Variants in MYO5C observed in about 807,000 individuals in gnomAD.
MYO5C encodes myosin VC.
Under a neutral mutation model 235.7 loss-of-function variants are expected in MYO5C, and 194 were observed. That is an observed-to-expected ratio of 0.82 (90% confidence interval 0.73 to 0.93). MYO5C has a LOEUF of 0.93. Among genes scored for constraint, MYO5C ranks in the 40% least tolerant of loss-of-function variants. MYO5C has a pLI of 0.00. For synonymous variants in MYO5C, 707 were observed against 754.8 expected (o/e 0.94, Z 1.04); for missense variants, 2,038 against 2,127.2 (o/e 0.96, Z 0.82).
At chr15:52,234,042 A>G (rs1436693514) in intron 23 of MYO5C, among the ~76,000 whole-genome samples, 2 of 152,230 alleles carry the variant, frequency 1.3e-5, no homozygotes, top group African/African-American at 2.4e-5. Context: ...CTCAAGCTTT[A>G]ATTTAGAAGC....
In MYO5C at chr15:52,223,663, T is replaced by A. The variant is rs1046783557; in HGVS notation, c.3508A>T (p.Asn1170Tyr). The A allele has an allele frequency of 1.2e-6, 2 of 1,614,064 alleles. No individual in the cohort carries two copies. Among genetic ancestry groups the A allele is most frequent in the African/African-American group, 2.7e-5 (2 of 74,932 alleles). Residue 1170 changes from asparagine (N) to tyrosine (Y), a missense_variant, in exon 29 of 41, where the codon AAC becomes TAC. Transcript: ENST00000261839. Reference protein sequence around the residue: ...DCYEKEIEALNFKVVHLSQEI... With the variant: ...DCYEKEIEALYFKVVHLSQEI... Reference sequence around the variant, plus strand: ...TGACTGAGATGCACCACTTTGAAGTTCAAAGCTTCAATCTCCTTTTCATAG... The same window carrying A: ...TGACTGAGATGCACCACTTTGAAGTACAAAGCTTCAATCTCCTTTTCATAG...
rs971526205 is a variant in MYO5C, at chr15:52,223,170, G to A, written c.3627+374C>T. On this transcript the variant is annotated intron_variant, in intron 29 of 40. Coordinates refer to ENST00000261839, the MANE Select transcript of MYO5C (RefSeq NM_018728.4). ...TCTCAAAAAAAAAAAAAAAAAAGGT[G>A]AGATTTCAGGCATGAGCAGGACTGG... 9.6e-5 allele frequency among the ~76,000 whole-genome samples: 14 copies of A among 146,528 alleles called. No homozygotes were observed. The South Asian group carries it at 1.1e-3, about 11-fold the overall frequency.
At chr15:52,247,958 C>T (rs1484606218) in intron 14 of MYO5C, among the ~76,000 whole-genome samples, 1 of 152,166 alleles carries the variant, frequency 6.6e-6, no homozygotes, top group Non-Finnish European at 1.5e-5. Context: ...CCAAACCCTA[C>T]CCAGGAATCT....
rs1450130591 is a variant in MYO5C, at chr15:52,265,536, G to GT, written c.941-1241dup. ...TTCTTTAACAATTTCAAAACCTACA[G>GT]TTTTTTGTTTTTTTTTTTTTGAGAC... On this transcript the variant is annotated intron_variant, in intron 8 of 40. Coordinates refer to ENST00000261839, the MANE Select transcript of MYO5C (RefSeq NM_018728.4). Among the ~76,000 whole-genome samples, 878 of 139,188 alleles carry GT rather than the reference G, an allele frequency of 6.3e-3. 9 individuals are homozygous for GT. Among genetic ancestry groups the GT allele is most frequent in the East Asian group, 0.042 (97 of 2,316 alleles). 91.3% of individuals were successfully genotyped at this position (139,188 alleles called of 152,430 possible). A position where few individuals can be genotyped will look rare whatever the true frequency, so the allele number is the denominator to read the frequency against.
intron 19 of MYO5C, 108 bp downstream of exon 19, chr15:52,244,248 C>T: frequency 2.7e-6 from 3 of 1,110,242 alleles, no homozygotes; most frequent in Admixed American, 2.2e-5. Flanking sequence ...ACGTCTGCAC[C>T]CTGGGTCACA....
At chr15:52,282,088 T>C (rs73406652) in intron 2 of MYO5C, among the ~76,000 whole-genome samples, 2,486 of 152,294 alleles carry the variant, frequency 0.016, 79 homozygotes, top group African/African-American at 0.057. Context: ...AGAAGGCACA[T>C]GCAGCCTTGC....
intron 11 of MYO5C, among the ~76,000 whole-genome samples, chr15:52,256,065 G>T (rs2140813987): frequency 6.6e-6 from 1 of 152,330 alleles, no homozygotes; most frequent in East Asian, 1.9e-4. Context: ...ACTGGGCTGA[G>T]AGAGACAAAG....
rs750917024 is a variant in MYO5C, at chr15:52,282,766, C to T, written c.138+16G>A. On this transcript the variant is annotated intron_variant, in intron 2 of 40. Transcript: ENST00000261839. ...CTTTACACATCGACGTAGCTGTGAA[C>T]AGCAAGGACCCTCACCGTTCCATCC... The T allele has an allele frequency of 6.5e-7, 1 of 1,549,230 alleles. No homozygotes were observed. The highest frequency in any genetic ancestry group is 8.9e-7 in the Non-Finnish European group (1 of 1,121,052).
chr15:52,284,420 G>A (rs2037220232), intron 1 of MYO5C, among the ~76,000 whole-genome samples: 1 of 150,432 alleles, frequency 6.6e-6, no homozygotes, highest in Admixed American at 6.6e-5. Context: ...AAAATTCACA[G>A]CAGTAGTTGC....
At chr15:52,256,930 G>T (rs2036597596) in intron 10 of MYO5C, 2 of 495,400 alleles carry the variant, frequency 4.0e-6, no homozygotes, top group South Asian at 2.7e-5. Context: ...AAATCTGGTA[G>T]GTATAAAACA....
chr15:52,288,915 C>T (rs149724281), intron 1 of MYO5C, among the ~76,000 whole-genome samples: 2 of 152,200 alleles, frequency 1.3e-5, no homozygotes, highest in Non-Finnish European at 2.9e-5. Context: ...AGCCACCCCC[C>T]CAAGGCACAC....
rs972613267 is a variant in MYO5C at position 52,275,496 on chromosome 15, G to C, written c.606+66C>G. On this transcript the variant is annotated intron_variant, in intron 5 of 40. Transcript: ENST00000261839. ...GTGGGAACTTGAATTAGCCAGGAGA[G>C]CACACAAACCAACCAACCCCCATTT... 6 of 1,589,322 alleles carry C rather than the reference G, an allele frequency of 3.8e-6. No homozygotes were observed. The African/African-American group carries it at 8.1e-5, about 21-fold the overall frequency.
rs1384412541 is a variant in MYO5C, at chr15:52,295,587, A to G, written c.27+23T>C. 1.4e-5 allele frequency: 21 copies of G among 1,500,724 alleles called. No individual in the cohort carries two copies. In the East Asian group the frequency reaches 2.1e-4, roughly 15 times the overall value. The allele number at this position is 1,500,724 out of a possible 1,614,324, so 93.0% of individuals were successfully genotyped here. On this transcript the variant is annotated intron_variant, in intron 1 of 40. Transcript: ENST00000261839. Reference sequence around the variant, plus strand: ...GGGCCGGCTCCCCCACAGCGCTCCCAGGAGCCCAGCGGACCCTCCTACCTG... The same window carrying G: ...GGGCCGGCTCCCCCACAGCGCTCCCGGGAGCCCAGCGGACCCTCCTACCTG...
At chr15:52,251,769 A>G (rs1367097786) in intron 12 of MYO5C, among the ~76,000 whole-genome samples, 2 of 151,952 alleles carry the variant, frequency 1.3e-5, no homozygotes, top group South Asian at 4.2e-4. Context: ...GGTTCAAGCG[A>G]TTCTCCTGCC....
intron 22 of MYO5C, 70 bp from the exon 23 acceptor site, chr15:52,235,833 T>C: frequency 1.0e-6 from 1 of 982,360 alleles, no homozygotes; most frequent in Non-Finnish European, 1.6e-6. Context: ...ATTGCCTTTC[T>C]TCACAAAAAG....
chr15:52,239,832 C>A lies in MYO5C; in HGVS notation c.2604G>T (p.Ala868=). The change falls in exon 21 of 41, where the codon GCG becomes GCT. Residue 868 remains alanine (A), a synonymous_variant. Transcript: ENST00000261839. Reference sequence around the variant, plus strand: ...TCTGGAATCTGCGTCTGGCCAGCCACGCCCGTGCGTATTTCTGTAGGATCA... The same window carrying A: ...TCTGGAATCTGCGTCTGGCCAGCCAAGCCCGTGCGTATTTCTGTAGGATCA... ...KAVILQKYAR[A]WLARRRFQSI... The A allele has an allele frequency of 6.2e-7, 1 of 1,613,882 alleles. No individual in the cohort carries two copies. Among genetic ancestry groups the A allele is most frequent in the East Asian group, 2.2e-5 (1 of 44,870 alleles).
At position 52,239,851 on chromosome 15, in the gene MYO5C, A is replaced by G. The variant is rs2036174288; in HGVS notation, c.2585T>C (p.Leu862Pro). The change falls in exon 21 of 41, where the codon CTA (leucine) becomes CCA (proline). Residue 862 changes from leucine to proline, a missense_variant. Leu to Pro is a moderately conservative substitution (Grantham distance 98). Transcript: ENST00000261839. The part of the protein sequence containing the change: ...KMLEEHKAVI[L>P]QKYARAWLAR... ...CAGCCACGCCCGTGCGTATTTCTGT[A>G]GGATCACAGCCTTATGTTCCTCCAG... is the stretch of plus-strand genomic sequence containing the variant. 6.2e-7 allele frequency: 1 copy of G among 1,613,574 alleles called. No homozygotes were observed. The highest frequency in any genetic ancestry group is 8.5e-7 in the Non-Finnish European group (1 of 1,179,722).
chr15:52,222,655 G>A (rs755110842), intron 29 of MYO5C, among the ~76,000 whole-genome samples: 54 of 150,964 alleles, frequency 3.6e-4, no homozygotes, highest in Middle Eastern at 3.4e-3. Flanking sequence ...GGAGGTGTGC[G>A]GAGGAAGTAT....
chr15:52,257,934 G>A (rs752270550), intron 10 of MYO5C, among the ~76,000 whole-genome samples: 2 of 152,182 alleles, frequency 1.3e-5, no homozygotes, highest in African/African-American at 4.8e-5. Context: ...ACAGCTCCAG[G>A]GTGATTCATA....
Sources: allele counts gnomAD v4.1 joint callset (sites outside exome capture counted in the v4.1 genomes callset), GRCh38; gene constraint gnomAD v4.1.1; transcripts MANE v1.5; gene names NCBI Gene and HGNC (gene_info 2026-07-23, HGNC 2026-07-21).